The following MYO5C variants were observed in gnomAD, a reference collection of about 807,000 sequenced individuals.
MYO5C encodes unconventional myosin-Vc.
Under a neutral mutation model 235.7 loss-of-function variants are expected in MYO5C, and 194 were observed. The ratio of observed to expected loss-of-function variants is 0.82; its 90% CI spans 0.73 to 0.93. The LOEUF is 0.93. Among genes scored for constraint, MYO5C ranks in the 40% least tolerant of loss-of-function variants. The pLI, the probability that MYO5C is intolerant of heterozygous loss-of-function variation, is 0.00. For synonymous variants in MYO5C, 707 were observed against 754.8 expected, an observed-to-expected ratio of 0.94 and a Z score of 1.04; for missense variants, 2,038 against 2,127.2, an observed-to-expected ratio of 0.96 and a Z score of 0.82.
intron 19 of MYO5C, 68 bp downstream of exon 19, chr15:52,244,288 C>T: frequency 6.7e-7 from 1 of 1,501,124 alleles, no homozygotes; most frequent in South Asian, 1.2e-5. Flanking sequence ...TTGATGAGTC[C>T]TCCCCGCCGG....
chr15:52,272,529 T>C, intron 6 of MYO5C, 51 bp downstream of exon 6: 1 of 1,580,574 alleles, frequency 6.3e-7, no homozygotes, highest in Non-Finnish European at 8.7e-7. Flanking sequence ...AATAAGTATG[T>C]AAATGTAAAT....
chr15:52,237,170 G>C, intron 22 of MYO5C: 1 of 226,366 alleles, frequency 4.4e-6, no homozygotes, highest in Non-Finnish European at 8.6e-6. Flanking sequence ...CAAGTGATAG[G>C]AGACCAAGGT....
At chr15:52,242,446 T>A (rs2036247213) in intron 19 of MYO5C, 3 of 481,348 alleles carry the variant, frequency 6.2e-6, no homozygotes. Flanking sequence ...GCCAGTCGAT[T>A]CACCTCCACT....
chr15:52,229,094 G>A (rs375230099), intron 25 of MYO5C, 39 bp downstream of exon 25: 5 of 1,608,096 alleles, frequency 3.1e-6, no homozygotes, highest in South Asian at 1.1e-5. Flanking sequence ...ATCAAATGAC[G>A]TAACCAGAGG....
At chr15:52,290,463 C>T (rs184926890) in intron 1 of MYO5C, among the ~76,000 whole-genome samples, 3 of 152,102 alleles carry the variant, frequency 2.0e-5, no homozygotes, top group Admixed American at 6.5e-5. Context: ...CTAGTCAAGA[C>T]ACTTCTTTTG....
chr15:52,256,952 C>T, intron 10 of MYO5C: 1 of 446,380 alleles, frequency 2.2e-6, no homozygotes, highest in Non-Finnish European at 4.0e-6. Context: ...CTACCTCAAG[C>T]CAGGCATTAA....
chr15:52,247,420 G>A (rs1596188890), intron 15 of MYO5C, 38 bp downstream of exon 15: 1 of 1,607,860 alleles, frequency 6.2e-7, no homozygotes, highest in South Asian at 1.1e-5. Flanking sequence ...GCCTGGCCCT[G>A]CCTTTAGACC....
chr15:52,291,737 T>TTTTTTTTTTTTTTTG (rs2037394742), intron 1 of MYO5C, among the ~76,000 whole-genome samples: 2 of 74,520 alleles, frequency 2.7e-5, no homozygotes, highest in African/African-American at 4.6e-5. Context: ...TTATGTTTTT[T>TTTTTTTTTTTTTTTG]TTTTTTTTTT....
At chr15:52,256,924 C>T in intron 10 of MYO5C, 1 of 523,286 alleles carries the variant, frequency 1.9e-6, no homozygotes, top group South Asian at 2.4e-5. Flanking sequence ...CGGAAGAAAT[C>T]TGGTAGGTAT....
At chr15:52,239,915 C>T (rs1201025078) in intron 20 of MYO5C, 36 bp from the exon 21 acceptor site, 1 of 1,581,686 alleles carries the variant, frequency 6.3e-7, no homozygotes, top group Non-Finnish European at 8.6e-7. Context: ...TAAACTGGAT[C>T]CCAAGTGCTT....
intron 15 of MYO5C, 55 bp from the exon 16 acceptor site, chr15:52,247,069 T>A: frequency 6.7e-7 from 1 of 1,501,254 alleles, no homozygotes; most frequent in East Asian, 2.3e-5. Flanking sequence ...ACTGCTTACA[T>A]CACGGTAAAA....
In MYO5C at chr15:52,205,823, C is replaced by G. The variant is rs777096907; in HGVS notation, c.4530G>C (p.Pro1510=). 8 of 1,552,506 alleles carry G rather than the reference C, an allele frequency of 5.2e-6. No individual in the cohort carries two copies. In the African/African-American group the frequency reaches 1.1e-4, roughly 21 times the overall value. Residue 1510 remains proline, a synonymous_variant, in exon 37 of 41, where the codon CCG becomes CCC. Transcript: ENST00000261839. ...FIIIMEKNIQ[P]IIVPGMLEYE... ...CATCCATTCTCTTCTTACCTATTAT[C>G]GGTTGGATATTCTTTTCCATTATGA...
chr15:52,218,456 TC>T lies in MYO5C; in HGVS notation c.3954+62del, dbSNP rs932883564. 3.4e-6 allele frequency: 5 copies of T among 1,486,230 alleles called. No individual in the cohort carries two copies. In the African/African-American group the frequency reaches 4.2e-5, roughly 12 times the overall value. The allele number at this position is 1,486,230 out of a possible 1,614,324, so 92.1% of individuals were successfully genotyped here. The stretch of plus-strand genomic sequence containing the variant: ...TTAATCATATGCTTTAGGTGGCATG[TC>T]CCCCCTTTCAGCAACATCTGCACAC... On this transcript the variant is annotated intron_variant, in intron 32 of 40. Transcript: ENST00000261839.
At position 52,214,591 on chromosome 15, in the gene MYO5C, A is replaced by G. The variant is rs774306315; in HGVS notation, c.4042+12T>C. 4.5e-6 allele frequency: 7 copies of G among 1,563,848 alleles called. No individual in the cohort carries two copies. Among genetic ancestry groups the G allele is most frequent in the Non-Finnish European group, 5.2e-6 (6 of 1,147,064 alleles). ...AGCTCAAAAGAATAAGAAAACAAGT[A>G]TTGTTTCTTACCTTTTCCAATTGTC... On this transcript the variant is annotated intron_variant, in intron 33 of 40. Transcript: ENST00000261839.
At chr15:52,240,869 G>A (rs79400013) in intron 20 of MYO5C, among the ~76,000 whole-genome samples, 1,701 of 152,268 alleles carry the variant, frequency 0.011, 11 homozygotes, top group Non-Finnish European at 0.019. Context: ...AGAAGTGACC[G>A]AATTAAGATT....
chr15:52,250,281 C>T (rs1297725015), intron 13 of MYO5C, among the ~76,000 whole-genome samples: 1 of 131,534 alleles, frequency 7.6e-6, no homozygotes, highest in East Asian at 2.1e-4. Context: ...CTCACTCTGT[C>T]AGCCAGGCTG....
At chr15:52,197,420 T>A (rs2035076306) in intron 38 of MYO5C, among the ~76,000 whole-genome samples, 1 of 152,252 alleles carries the variant, frequency 6.6e-6, no homozygotes, top group African/African-American at 2.4e-5. Flanking sequence ...TATTTTTAAA[T>A]GTCCAGAATA....
chr15:52,198,656 A>T (rs1177604454), intron 38 of MYO5C, among the ~76,000 whole-genome samples: 1 of 151,896 alleles, frequency 6.6e-6, no homozygotes, highest in Non-Finnish European at 1.5e-5. Flanking sequence ...ATCTCAGCTC[A>T]CTGCAACCTC....
chr15:52,242,033 A>G lies in MYO5C; in HGVS notation c.2556+15T>C. On this transcript the variant is annotated intron_variant, in intron 20 of 40. Coordinates refer to ENST00000261839, the MANE Select transcript of MYO5C (RefSeq NM_018728.4). ...CCGTACACCCTCCCTTCCTCTAGAC[A>G]GAGGTTGGCCTCACCTTTCGATACC... 5 of 1,602,124 alleles carry G rather than the reference A, an allele frequency of 3.1e-6. No homozygotes were observed. The highest frequency in any genetic ancestry group is 4.3e-6 in the Non-Finnish European group (5 of 1,174,352).
Sources: gnomAD v4.1 joint callset for allele counts (sites outside exome capture counted in the v4.1 genomes callset) on GRCh38, gnomAD v4.1.1 for gene constraint, MANE v1.5 for transcripts, NCBI Gene and HGNC (gene_info 2026-07-23, HGNC 2026-07-21) for gene names.